The following MAPK10 variants were observed in gnomAD, a reference collection of about 807,000 sequenced individuals.
MAPK10 encodes JNK3 alpha protein kinase.
Under a neutral mutation model 59.3 loss-of-function variants are expected in MAPK10, and 25 were observed. The ratio of observed to expected loss-of-function variants is 0.42; its 90% CI spans 0.31 to 0.59. MAPK10 has a LOEUF of 0.59. Ranked by LOEUF, MAPK10 falls within the 20% of genes least tolerant of loss-of-function variation. The pLI is 0.15. For synonymous variants in MAPK10, 190 were observed against 200.5 expected (o/e 0.95, Z 0.44); for missense variants, 351 against 568.9 (o/e 0.62, Z 3.90).
intron 4 of MAPK10, among the ~76,000 whole-genome samples, chr4:86,131,653 T>C (rs914517478): frequency 2.6e-5 from 4 of 152,180 alleles, no homozygotes; most frequent in Admixed American, 1.3e-4. Flanking sequence ...AGAATGCAAT[T>C]AGTCAATTGT....
At chr4:86,582,992 A>T (rs1354732598) in intron 1 of MAPK10, among the ~76,000 whole-genome samples, 1 of 152,078 alleles carries the variant, frequency 6.6e-6, no homozygotes, top group African/African-American at 2.4e-5. Context: ...GCTCATAAAG[A>T]TCTTTCTTAT....
chr4:86,470,281 T>C (rs1448968883), intron 1 of MAPK10, among the ~76,000 whole-genome samples: 2 of 152,202 alleles, frequency 1.3e-5, no homozygotes, highest in East Asian at 1.9e-4. Context: ...ATTTAGTTTG[T>C]AACTGAAACA....
intron 3 of MAPK10, among the ~76,000 whole-genome samples, chr4:86,167,089 A>G (rs1476910997): frequency 6.6e-6 from 1 of 152,236 alleles, no homozygotes; most frequent in Non-Finnish European, 1.5e-5. Flanking sequence ...AGAATATTAT[A>G]AACACCTCTA....
At chr4:86,397,805 G>T (rs1426623739) in intron 1 of MAPK10, among the ~76,000 whole-genome samples, 1 of 132,098 alleles carries the variant, frequency 7.6e-6, no homozygotes, top group Non-Finnish European at 1.6e-5. Context: ...ACTAGTTTGT[G>T]ATTTCAGTTT....
chr4:86,464,133 T>C (rs1288239788), intron 1 of MAPK10, among the ~76,000 whole-genome samples: 1 of 152,250 alleles, frequency 6.6e-6, no homozygotes, highest in African/African-American at 2.4e-5. Flanking sequence ...TAAATAGTCT[T>C]ACTCATTAAA....
intron 2 of MAPK10, among the ~76,000 whole-genome samples, chr4:86,337,866 A>G (rs1224980391): frequency 6.6e-6 from 1 of 152,124 alleles, no homozygotes; most frequent in East Asian, 1.9e-4. Context: ...TTTTTTCCTT[A>G]TCAGATATGC....
At chr4:86,473,426 G>A (rs1424965021) in intron 1 of MAPK10, among the ~76,000 whole-genome samples, 2 of 152,110 alleles carry the variant, frequency 1.3e-5, no homozygotes, top group Non-Finnish European at 2.9e-5. Flanking sequence ...GTATAGAAAG[G>A]TTTTTTATTT....
chr4:86,540,525 G>C (rs769602074), intron 1 of MAPK10, among the ~76,000 whole-genome samples: 1 of 152,128 alleles, frequency 6.6e-6, no homozygotes, highest in Admixed American at 6.6e-5. Flanking sequence ...CTGGGCAATT[G>C]AAAGAGAAGG....
intron 2 of MAPK10, among the ~76,000 whole-genome samples, chr4:86,238,644 G>A (rs1231122864): frequency 1.3e-5 from 2 of 152,050 alleles, no homozygotes; most frequent in African/African-American, 4.8e-5. Context: ...TTGGCTCTCC[G>A]CTTGCCTATT....
At position 86,385,713 on chromosome 4, in the gene MAPK10, C is replaced by T. The variant is rs556075730; in HGVS notation, c.-121-31069G>A. Among the ~76,000 whole-genome samples the T allele has an allele frequency of 1.3e-4, 20 of 152,216 alleles. No individual in the cohort carries two copies. In the South Asian group the frequency reaches 4.2e-3, roughly 32 times the overall value. ...ACGATTAGCTCCCGGATGGGTAAAT[C>T]AAAAGATTCCCTGTAGATGCAAAAC... is the stretch of plus-strand genomic sequence containing the variant. On this transcript the variant is annotated intron_variant, in intron 1 of 13. Coordinates refer to the MAPK10 transcript ENST00000361569.
chr4:86,466,681 A>T (rs1007065792), intron 1 of MAPK10, among the ~76,000 whole-genome samples: 1 of 152,226 alleles, frequency 6.6e-6, no homozygotes, highest in Non-Finnish European at 1.5e-5. Flanking sequence ...CATGTAGGAG[A>T]ATCTTTTTTA....
At chr4:86,412,566 T>C (rs1364987491) in intron 1 of MAPK10, among the ~76,000 whole-genome samples, 1 of 152,254 alleles carries the variant, frequency 6.6e-6, no homozygotes, top group African/African-American at 2.4e-5. Context: ...TCTTTTCACA[T>C]AGTCCCATAT....
At chr4:86,345,058 A>G (rs760438202) in intron 2 of MAPK10, among the ~76,000 whole-genome samples, 1 of 152,198 alleles carries the variant, frequency 6.6e-6, no homozygotes, top group Non-Finnish European at 1.5e-5. Flanking sequence ...TCCTATAGCT[A>G]AAATATCTTA....
At chr4:86,434,893 G>T (rs1409363577) in intron 1 of MAPK10, among the ~76,000 whole-genome samples, 1 of 152,182 alleles carries the variant, frequency 6.6e-6, no homozygotes, top group Non-Finnish European at 1.5e-5. Flanking sequence ...GGATCAACCT[G>T]TGTCTGTCAA....
At chr4:86,178,448 A>G (rs2076173623) in intron 3 of MAPK10, among the ~76,000 whole-genome samples, 1 of 152,018 alleles carries the variant, frequency 6.6e-6, no homozygotes, top group Admixed American at 6.6e-5. Flanking sequence ...AGTAAACAGC[A>G]TGTTTTTTAG....
intron 2 of MAPK10, among the ~76,000 whole-genome samples, chr4:86,271,236 T>C (rs187653701): frequency 1.3e-5 from 2 of 152,114 alleles, no homozygotes; most frequent in Non-Finnish European, 2.9e-5. Flanking sequence ...TGGTATTTCA[T>C]TGTGGTTTTA....
chr4:86,180,761 C>T (rs1414616673), intron 3 of MAPK10, among the ~76,000 whole-genome samples: 1 of 152,010 alleles, frequency 6.6e-6, no homozygotes, highest in Non-Finnish European at 1.5e-5. Flanking sequence ...GGAAGTTAAA[C>T]ACCACATGTT....
chr4:86,339,336 T>G (rs1723515260), intron 2 of MAPK10, among the ~76,000 whole-genome samples: 1 of 152,156 alleles, frequency 6.6e-6, no homozygotes, highest in African/African-American at 2.4e-5. Context: ...AAAACGAGCT[T>G]TTCTTGGGGA....
At chr4:86,351,018 G>C (rs1166319824) in intron 2 of MAPK10, among the ~76,000 whole-genome samples, 1 of 151,988 alleles carries the variant, frequency 6.6e-6, no homozygotes, top group East Asian at 1.9e-4. Flanking sequence ...CTGACACTTA[G>C]AAACATGTGA....
Sources: allele counts gnomAD v4.1 joint callset (sites outside exome capture counted in the v4.1 genomes callset), GRCh38; gene constraint gnomAD v4.1.1; transcripts MANE v1.5; gene names NCBI Gene and HGNC (gene_info 2026-07-23, HGNC 2026-07-21).